The following DDX60 variants were observed in gnomAD, a reference collection of about 807,000 sequenced individuals.
The protein encoded by DDX60 is probable ATP-dependent RNA helicase DDX60.
A neutral mutation model predicts 212.8 loss-of-function variants in DDX60; 165 were observed. That is an observed-to-expected ratio of 0.78 (90% CI 0.68 to 0.88). The LOEUF is 0.88. Ranked by LOEUF, DDX60 falls within the 40% of genes least tolerant of loss-of-function variation. The pLI is 0.00. For missense variants in DDX60, 1,905 were observed against 2,003.9 expected (o/e 0.95, Z 0.94); for synonymous variants, 703 against 685.3 (o/e 1.03, Z -0.40).
chr4:168,258,606 G>C (rs1039995520), intron 25 of DDX60, among the ~76,000 whole-genome samples: 2 of 152,220 alleles, frequency 1.3e-5, no homozygotes, highest in South Asian at 2.1e-4. Context: ...GAGAATTCAA[G>C]AGTCATATAA....
chr4:168,277,138 A>G (rs1292772011), intron 14 of DDX60, among the ~76,000 whole-genome samples: 2 of 152,124 alleles, frequency 1.3e-5, no homozygotes, highest in Non-Finnish European at 2.9e-5. Context: ...ATGTGATCCT[A>G]TTTCACCTGT....
intron 34 of DDX60, among the ~76,000 whole-genome samples, chr4:168,225,034 A>G (rs1405676994): frequency 6.6e-6 from 1 of 152,036 alleles, no homozygotes; most frequent in Non-Finnish European, 1.5e-5. Context: ...TGTTAACTTA[A>G]TCATTTAAAA....
intron 22 of DDX60, among the ~76,000 whole-genome samples, chr4:168,266,761 A>G (rs1734865393): frequency 6.6e-6 from 1 of 152,218 alleles, no homozygotes; most frequent in Non-Finnish European, 1.5e-5. Context: ...AAGAAAGTCA[A>G]AAGAGACTTG....
intron 6 of DDX60, among the ~76,000 whole-genome samples, chr4:168,297,254 GGAAA>G (rs1736388477): frequency 7.1e-6 from 1 of 141,258 alleles, no homozygotes; most frequent in South Asian, 2.2e-4. Flanking sequence ...AAACAGGGCT[GGAAA>G]GAAAGAAAGA....
rs2149489615 is a variant in DDX60 at position 168,220,685 on chromosome 4, T to C, written c.5009A>G (p.Lys1670Arg). 2.1e-6 allele frequency: 3 copies of C among 1,456,106 alleles called. No homozygotes were observed. Among genetic ancestry groups the C allele is most frequent in the Non-Finnish European group, 2.7e-6 (3 of 1,100,126 alleles). 90.2% of individuals were successfully genotyped at this position (1,456,106 alleles called of 1,614,324 possible). Residue 1670 changes from lysine (K) to arginine (R), a missense_variant, in exon 37 of 38, where the codon AAG (lysine) becomes AGG (arginine). By Grantham distance (26) the Lys-to-Arg change is conservative. Coordinates refer to ENST00000393743, the MANE Select transcript of DDX60 (RefSeq NM_017631.6). ...AGATTTAATGGTGAGTGCAAAATCCTTCAACAAATAATAAGCATCTCCTTC... is the reference window on the plus strand; with the variant it reads ...AGATTTAATGGTGAGTGCAAAATCCCTCAACAAATAATAAGCATCTCCTTC... Reference protein sequence around the residue: ...MNEGDAYYLLKDFALTIKSIS... With the variant: ...MNEGDAYYLLRDFALTIKSIS...
At chr4:168,268,786 G>T in intron 20 of DDX60, 68 bp downstream of exon 20, 1 of 894,658 alleles carries the variant, frequency 1.1e-6, no homozygotes, top group Non-Finnish European at 1.7e-6. Context: ...AGAATCCACA[G>T]AGAAATTATG....
At chr4:168,259,638 A>G (rs73863015) in intron 25 of DDX60, among the ~76,000 whole-genome samples, 1 of 151,140 alleles carries the variant, frequency 6.6e-6, no homozygotes, top group African/African-American at 2.4e-5. Context: ...AAATTGCCCA[A>G]AGTAAATAGA....
intron 22 of DDX60, among the ~76,000 whole-genome samples, chr4:168,266,765 A>G (rs1193702226): frequency 6.6e-6 from 1 of 152,192 alleles, no homozygotes; most frequent in Non-Finnish European, 1.5e-5. Flanking sequence ...AAGTCAAAAG[A>G]GACTTGGAAA....
chr4:168,306,671 G>A lies in DDX60; in HGVS notation c.314C>T (p.Thr105Ile), dbSNP rs372629660. The A allele has an allele frequency of 6.2e-6, 10 of 1,613,896 alleles. No individual in the cohort carries two copies. Among genetic ancestry groups the A allele is most frequent in the African/African-American group, 4.0e-5 (3 of 74,936 alleles). ...CTTCTGAAGATGAAGAATTAAAGCAGTTCTCAAAGAAAGAAGTTCAGGGAA... is the reference window on the plus strand; with the variant it reads ...CTTCTGAAGATGAAGAATTAAAGCAATTCTCAAAGAAAGAAGTTCAGGGAA... ...FNFPELLSLR[T>I]ALILHLQKNT... Residue 105 changes from threonine (T) to isoleucine (I), a missense_variant, in exon 5 of 38, where the codon ACT becomes ATT. Transcript: ENST00000393743.
intron 14 of DDX60, 79 bp downstream of exon 14, chr4:168,280,256 A>G: frequency 6.6e-7 from 1 of 1,510,436 alleles, no homozygotes; most frequent in Non-Finnish European, 8.9e-7. Context: ...GCAAATTTCC[A>G]GTTAACAAAT....
intron 25 of DDX60, among the ~76,000 whole-genome samples, chr4:168,256,930 G>T (rs538722729): frequency 6.6e-6 from 1 of 152,224 alleles, no homozygotes; most frequent in Non-Finnish European, 1.5e-5. Flanking sequence ...AAATAAACTG[G>T]CACACTGGTG....
At chr4:168,238,253 A>C (rs1001908754) in intron 30 of DDX60, among the ~76,000 whole-genome samples, 8 of 148,834 alleles carry the variant, frequency 5.4e-5, no homozygotes, top group East Asian at 1.9e-4. Context: ...AAAAAAAAAA[A>C]AAAAAACCCA....
chr4:168,314,552 A>G (rs1012377151), intron 1 of DDX60, among the ~76,000 whole-genome samples: 3 of 152,236 alleles, frequency 2.0e-5, no homozygotes, highest in Non-Finnish European at 1.5e-5. Flanking sequence ...CACATTTAAA[A>G]CATAATTTTA....
intron 6 of DDX60, among the ~76,000 whole-genome samples, chr4:168,296,611 T>C (rs1736352408): frequency 6.6e-6 from 1 of 152,058 alleles, no homozygotes; most frequent in Non-Finnish European, 1.5e-5. Context: ...AATTAAATTA[T>C]ATTAAATTAA....
chr4:168,239,712 G>T (rs1389259480), intron 30 of DDX60, among the ~76,000 whole-genome samples: 1 of 152,058 alleles, frequency 6.6e-6, no homozygotes, highest in Non-Finnish European at 1.5e-5. Flanking sequence ...ATGGTCCTCA[G>T]ACTGGAATGT....
intron 30 of DDX60, among the ~76,000 whole-genome samples, chr4:168,239,858 T>C (rs1203367166): frequency 6.6e-6 from 1 of 151,872 alleles, no homozygotes; most frequent in Non-Finnish European, 1.5e-5. Context: ...AAAGAAAAGA[T>C]CTGACCTATG....
chr4:168,283,703 G>C, intron 12 of DDX60, 97 bp from the exon 13 acceptor site: 9 of 809,534 alleles, frequency 1.1e-5, no homozygotes, highest in Non-Finnish European at 1.7e-5. Context: ...AGTTAAATTA[G>C]TGGAAAAGTA....
intron 30 of DDX60, among the ~76,000 whole-genome samples, chr4:168,244,337 AGGCACT>A (rs5863924): frequency 0.17 from 25,381 of 152,024 alleles, 3,649 homozygotes; most frequent in African/African-American, 0.38. Context: ...CTTTGAGACA[AGGCACT>A]GGCACTACAG....
chr4:168,225,623 G>A lies in DDX60; in HGVS notation c.4587C>T (p.Asn1529=), dbSNP rs369327358. The A allele has an allele frequency of 6.2e-7, 1 of 1,611,714 alleles. No homozygotes were observed. The highest frequency in any genetic ancestry group is 1.3e-5 in the African/African-American group (1 of 74,914). ...EDFSDALDEY[N]MKIMEDFTTF... ...TGGTAAAGTCCTCCATAATTTTCATGTTATATTCATCTAAAGCATCACTAA... is the reference window on the plus strand; with the variant it reads ...TGGTAAAGTCCTCCATAATTTTCATATTATATTCATCTAAAGCATCACTAA... The change falls in exon 34 of 38, where the codon AAC becomes AAT. Residue 1529 remains asparagine, a synonymous_variant. Coordinates refer to ENST00000393743, the MANE Select transcript of DDX60 (RefSeq NM_017631.6).
Sources: gnomAD v4.1 joint callset for allele counts (sites outside exome capture counted in the v4.1 genomes callset) on GRCh38, gnomAD v4.1.1 for gene constraint, MANE v1.5 for transcripts, NCBI Gene and HGNC (gene_info 2026-07-23, HGNC 2026-07-21) for gene names.